Variants in PIP4K2A observed in about 807,000 individuals in gnomAD.
The protein encoded by PIP4K2A is phosphatidylinositol-5-phosphate 4-kinase type 2 alpha.
Under a neutral mutation model 42.9 loss-of-function variants are expected in PIP4K2A, and 14 were observed. The ratio of observed to expected loss-of-function variants is 0.33; its 90% CI spans 0.22 to 0.51. PIP4K2A has a LOEUF of 0.51. Ranked by LOEUF, PIP4K2A falls within the 20% of genes least tolerant of loss-of-function variation. The pLI is 0.97. For missense variants in PIP4K2A, 434 were observed against 519.8 expected, an observed-to-expected ratio of 0.83 and a Z score of 1.61; for synonymous variants, 192 against 192.2, an observed-to-expected ratio of 1.00 and a Z score of 0.01.
At chr10:22,610,876 G>A (rs115586731) in intron 1 of PIP4K2A, among the ~76,000 whole-genome samples, 2 of 152,296 alleles carry the variant, frequency 1.3e-5, no homozygotes, top group East Asian at 3.9e-4. Flanking sequence ...AGCAACCCCT[G>A]CCAGGCCTCC....
intron 1 of PIP4K2A, among the ~76,000 whole-genome samples, chr10:22,680,575 A>ACAT (rs146716590): frequency 0.13 from 20,161 of 152,094 alleles, 1,787 homozygotes; most frequent in South Asian, 0.21. Flanking sequence ...AGGCTAGCAT[A>ACAT]CATCCCTAGT....
intron 5 of PIP4K2A, among the ~76,000 whole-genome samples, chr10:22,572,395 TG>T (rs1564425838): frequency 6.6e-6 from 1 of 152,176 alleles, no homozygotes; most frequent in Non-Finnish European, 1.5e-5. Flanking sequence ...GTGGGTGGAT[TG>T]CTTGAGCTCA....
intron 1 of PIP4K2A, among the ~76,000 whole-genome samples, chr10:22,709,541 G>A (rs562710241): frequency 6.6e-6 from 1 of 152,314 alleles, no homozygotes; most frequent in South Asian, 2.1e-4. Flanking sequence ...ACTTAAGGCA[G>A]ATTTTGGTGG....
At chr10:22,685,506 T>G (rs996960053) in intron 1 of PIP4K2A, among the ~76,000 whole-genome samples, 9 of 151,620 alleles carry the variant, frequency 5.9e-5, no homozygotes, top group Middle Eastern at 3.4e-3. Context: ...ACAGGCCTGA[T>G]CAACAAAGTG....
rs965796981 is a variant in PIP4K2A, at chr10:22,596,097, C to T, written c.340-4316G>A. 1.4e-4 allele frequency among the ~76,000 whole-genome samples: 19 copies of T among 140,418 alleles called. No homozygotes were observed. The Middle Eastern group carries it at 0.013, about 92-fold the overall frequency. The allele number at this position is 140,418 out of a possible 152,430, so 92.1% of individuals were successfully genotyped here. A position where few individuals can be genotyped will look rare whatever the true frequency, so the allele number is the denominator to read the frequency against. On this transcript the variant is annotated intron_variant, in intron 3 of 9. Coordinates refer to ENST00000376573, the MANE Select transcript of PIP4K2A (RefSeq NM_005028.5). ...GGGCATGCCTGTAATCCCAGCTACT[C>T]GGGAGGCTGAGGCAGGAGAATCGCT...
At chr10:22,697,089 T>G (rs997650) in intron 1 of PIP4K2A, among the ~76,000 whole-genome samples, 2 of 151,808 alleles carry the variant, frequency 1.3e-5, no homozygotes, top group Non-Finnish European at 2.9e-5. Flanking sequence ...AGCTCTACTT[T>G]TTTCCTTCAA....
At chr10:22,635,159 A>G (rs994119440) in intron 1 of PIP4K2A, among the ~76,000 whole-genome samples, 1 of 152,138 alleles carries the variant, frequency 6.6e-6, no homozygotes, top group African/African-American at 2.4e-5. Flanking sequence ...TACTATTAAT[A>G]TAATGGTGGG....
Position 22,714,455 on chromosome 10 carries a change from C to G in PIP4K2A, c.-129G>C. 2.3e-6 allele frequency: 1 copy of G among 429,430 alleles called. No homozygotes were observed. The allele number at this position is 429,430 out of a possible 1,614,324, so 26.6% of individuals were successfully genotyped here. ...CCGGCGCGCCGCGCTCCGCTCCGCC[C>G]GCCGCCGCCGGCGCGCTCAGCCCCA... On this transcript the variant is annotated 5_prime_UTR_variant, in exon 1 of 10. Coordinates refer to ENST00000376573, the MANE Select transcript of PIP4K2A (RefSeq NM_005028.5).
At chr10:22,589,010 A>G (rs1276962406) in intron 4 of PIP4K2A, among the ~76,000 whole-genome samples, 1 of 152,212 alleles carries the variant, frequency 6.6e-6, no homozygotes, top group Non-Finnish European at 1.5e-5. Context: ...TCAAATCCCT[A>G]TGTTAGGTTA....
At chr10:22,671,696 A>T (rs1296391847) in intron 1 of PIP4K2A, among the ~76,000 whole-genome samples, 1 of 151,966 alleles carries the variant, frequency 6.6e-6, no homozygotes, top group African/African-American at 2.4e-5. Flanking sequence ...GTTACTGAGA[A>T]GACAGTTTTC....
At chr10:22,705,388 T>G (rs1028673283) in intron 1 of PIP4K2A, among the ~76,000 whole-genome samples, 1 of 139,908 alleles carries the variant, frequency 7.1e-6, no homozygotes, top group African/African-American at 2.8e-5. Flanking sequence ...TGCAGGATCT[T>G]TTTTACCCCC....
intron 7 of PIP4K2A, among the ~76,000 whole-genome samples, chr10:22,548,078 A>C (rs1412912047): frequency 6.6e-6 from 1 of 152,226 alleles, no homozygotes; most frequent in African/African-American, 2.4e-5. Flanking sequence ...AAAGCATGGA[A>C]CTGATGAAAA....
At position 22,622,739 on chromosome 10, in the gene PIP4K2A, A is replaced by T. The variant is rs755217865; in HGVS notation, c.145-13022T>A. 1.5e-3 allele frequency among the ~76,000 whole-genome samples: 221 copies of T among 152,226 alleles called. 3 individuals carry two copies. Among genetic ancestry groups the T allele is most frequent in the Non-Finnish European group, 1.5e-3 (105 of 68,034 alleles). On this transcript the variant is annotated intron_variant, in intron 1 of 9. Transcript: ENST00000376573. ...ACTGGAGAGCAACAAACCACCGGAC[A>T]TGGGAGGAAAGCCTTTAGCATGAAG... is the stretch of plus-strand genomic sequence containing the variant.
chr10:22,674,336 C>T (rs764156522), intron 1 of PIP4K2A, among the ~76,000 whole-genome samples: 1 of 148,262 alleles, frequency 6.7e-6, no homozygotes, highest in Non-Finnish European at 1.5e-5. Flanking sequence ...ACACTCTTTC[C>T]GTATATACCA....
At position 22,664,068 on chromosome 10, in the gene PIP4K2A, T is replaced by C. The variant is rs1207075516; in HGVS notation, c.144+50115A>G. 4.1e-3 allele frequency among the ~76,000 whole-genome samples: 335 copies of C among 81,964 alleles called. 5 individuals are homozygous for C. Among genetic ancestry groups the C allele is most frequent in the African/African-American group, 0.024 (277 of 11,720 alleles). The allele number at this position is 81,964 out of a possible 152,430, so 53.8% of individuals were successfully genotyped here. Reference sequence around the variant, plus strand: ...ATATACATATGTATATATACATATATATATATACGTATATATATATACATA... The same window carrying C: ...ATATACATATGTATATATACATATACATATATACGTATATATATATACATA... On this transcript the variant is annotated intron_variant, in intron 1 of 9. Transcript: ENST00000376573.
At chr10:22,664,090 C>CACATATATATATACATATATATATACGT (rs1554807209) in intron 1 of PIP4K2A, among the ~76,000 whole-genome samples, 1 of 64,046 alleles carries the variant, frequency 1.6e-5, no homozygotes, top group Non-Finnish European at 2.5e-5. Context: ...TATATATATA[C>CACATATATATATACATATATATATACGT]ATATATATAT....
intron 1 of PIP4K2A, among the ~76,000 whole-genome samples, chr10:22,665,830 A>T (rs909218008): frequency 3.3e-5 from 5 of 151,836 alleles, no homozygotes; most frequent in African/African-American, 1.2e-4. Context: ...ATATATATAC[A>T]TACACACACA....
chr10:22,604,774 G>A (rs1837870995), intron 3 of PIP4K2A, among the ~76,000 whole-genome samples: 2 of 152,326 alleles, frequency 1.3e-5, no homozygotes, highest in South Asian at 2.1e-4. Flanking sequence ...CAAGCTCCAG[G>A]AGAGGAAAAC....
chr10:22,661,838 G>A lies in PIP4K2A; in HGVS notation c.145-52121C>T, dbSNP rs1237524536. The stretch of plus-strand genomic sequence containing the variant: ...TTTCTGAGCAGAAGTTAGAAACACC[G>A]GATGCAAATTCTAGGATGAAGGACC... On this transcript the variant is annotated intron_variant, in intron 1 of 9. Transcript: ENST00000376573. 2.0e-5 allele frequency: 3 copies of A among 152,108 alleles called. No individual in the cohort carries two copies. The East Asian group carries it at 5.8e-4, about 29-fold the overall frequency. 9.4% of individuals were successfully genotyped at this position (152,108 alleles called of 1,614,324 possible).
Sources: allele counts gnomAD v4.1 joint callset (sites outside exome capture counted in the v4.1 genomes callset), GRCh38; gene constraint gnomAD v4.1.1; transcripts MANE v1.5; gene names NCBI Gene and HGNC (gene_info 2026-07-23, HGNC 2026-07-21).